The following BBS7 variants were observed in gnomAD, a reference collection of about 807,000 sequenced individuals.
BBS7 encodes the protein BBSome complex member BBS7.
Under a neutral mutation model 90.3 loss-of-function variants are expected in BBS7, and 50 were observed. The observed-to-expected ratio is 0.55, with a 90% CI of 0.44 to 0.70. BBS7 has a LOEUF of 0.70. BBS7 is among the 30% of genes least tolerant of loss of function. The pLI is 0.00. For synonymous variants in BBS7, 235 were observed against 287.4 expected, an observed-to-expected ratio of 0.82 and a Z score of 1.85; for missense variants, 729 against 838.9, an observed-to-expected ratio of 0.87 and a Z score of 1.62.
intron 2 of BBS7, among the ~76,000 whole-genome samples, chr4:121,864,078 T>C (rs546875977): frequency 1.3e-5 from 2 of 152,278 alleles, no homozygotes; most frequent in East Asian, 3.9e-4. Context: ...CTGCGCATGG[T>C]TGTATGCTCC....
intron 5 of BBS7, among the ~76,000 whole-genome samples, chr4:121,856,607 G>C (rs1726686397): frequency 6.6e-6 from 1 of 151,898 alleles, no homozygotes; most frequent in Admixed American, 6.6e-5. Flanking sequence ...AGCTACTCAG[G>C]AGGCTAAAGG....
intron 1 of BBS7, 131 bp downstream of exon 1, chr4:121,870,147 C>G (rs1727505814): frequency 1.8e-6 from 2 of 1,136,972 alleles, no homozygotes; most frequent in Non-Finnish European, 2.7e-6. Flanking sequence ...GCTGAGAGGT[C>G]GGCACCCAGC....
intron 9 of BBS7, among the ~76,000 whole-genome samples, chr4:121,847,864 T>C (rs1033190666): frequency 2.0e-5 from 3 of 152,084 alleles, no homozygotes; most frequent in Non-Finnish European, 4.4e-5. Context: ...ATTACTTTCA[T>C]GGAAATTTAA....
chr4:121,864,939 A>G (rs1377684867), intron 2 of BBS7, among the ~76,000 whole-genome samples: 1 of 152,106 alleles, frequency 6.6e-6, no homozygotes, highest in Non-Finnish European at 1.5e-5. Flanking sequence ...ATTTGAAACT[A>G]TATATTGTTA....
At chr4:121,853,463 T>G (rs746286361) in intron 7 of BBS7, among the ~76,000 whole-genome samples, 1 of 152,028 alleles carries the variant, frequency 6.6e-6, no homozygotes, top group Non-Finnish European at 1.5e-5. Context: ...CCCATCTCCA[T>G]AAATTATTCT....
chr4:121,845,573 T>G lies in BBS7; in HGVS notation c.1161A>C (p.Leu387=). 6.2e-7 allele frequency: 1 copy of G among 1,613,174 alleles called. No individual in the cohort carries two copies. The part of the protein sequence containing the change: ...PSFGINDKFT[L]NKDDASYSLI... ...GGCTGTAACTGGCATCATCTTTATTTAGTGTAAATTTATCATTTATACCAA... is the reference window on the plus strand; with the variant it reads ...GGCTGTAACTGGCATCATCTTTATTGAGTGTAAATTTATCATTTATACCAA... The change falls in exon 11 of 19, where the codon CTA becomes CTC. Residue 387 remains leucine (L), a synonymous_variant. Coordinates refer to ENST00000264499, the MANE Select transcript of BBS7 (RefSeq NM_176824.3).
chr4:121,845,505 T>A lies in BBS7; in HGVS notation c.1229A>T (p.Gln410Leu). 1 of 1,608,822 alleles carries A rather than the reference T, an allele frequency of 6.2e-7. No homozygotes were observed. Among genetic ancestry groups the A allele is most frequent in the Non-Finnish European group, 8.5e-7 (1 of 1,177,332 alleles). Residue 410 changes from glutamine (Q) to leucine (L), a missense_variant and splice_region_variant, in exon 11 of 19, where the codon CAG becomes CTG. Physicochemically the swap from Gln to Leu is moderately radical, Grantham distance 113 (BLOSUM62 -2). Transcript: ENST00000264499. The part of the protein sequence containing the change: ...VQTAIDNVLI[Q>L]SDVPIDLLDV... ...TAAGAAATTAGACATTTTGCTTACCTGTATTAAGACATTATCTATTGCAGT... is the reference window on the plus strand; with the variant it reads ...TAAGAAATTAGACATTTTGCTTACCAGTATTAAGACATTATCTATTGCAGT...
intron 5 of BBS7, among the ~76,000 whole-genome samples, chr4:121,858,133 C>T (rs1022320607): frequency 6.6e-6 from 1 of 152,102 alleles, no homozygotes; most frequent in Non-Finnish European, 1.5e-5. Context: ...ATTACTTTGT[C>T]CCTGGGGGGT....
In BBS7 at chr4:121,853,120, A is replaced by C. The variant is rs1177518024; in HGVS notation, c.719-34T>G. 4 of 1,601,086 alleles carry C rather than the reference A, an allele frequency of 2.5e-6. No individual in the cohort carries two copies. In the East Asian group the frequency reaches 6.7e-5, roughly 27 times the overall value. Reference sequence around the variant, plus strand: ...AGAGATATGTGATAAGTTATTAAGAAGACTAATAGTTATGGTCAAGTATAT... The same window carrying C: ...AGAGATATGTGATAAGTTATTAAGACGACTAATAGTTATGGTCAAGTATAT... On this transcript the variant is annotated intron_variant, in intron 7 of 18. Coordinates refer to ENST00000264499, the MANE Select transcript of BBS7 (RefSeq NM_176824.3).
At chr4:121,839,087 A>G (rs1725601844) in intron 13 of BBS7, among the ~76,000 whole-genome samples, 1 of 152,200 alleles carries the variant, frequency 6.6e-6, no homozygotes, top group African/African-American at 2.4e-5. Flanking sequence ...TGAAATTATG[A>G]ATATCTTGTA....
At chr4:121,828,378 G>A (rs771169397) in intron 17 of BBS7, 24 bp downstream of exon 17, 7 of 1,599,138 alleles carry the variant, frequency 4.4e-6, no homozygotes, top group African/African-American at 4.0e-5. Flanking sequence ...ATAATCACCA[G>A]TCCACGACGA....
chr4:121,854,651 A>T, intron 7 of BBS7, 53 bp downstream of exon 7: 1 of 1,540,720 alleles, frequency 6.5e-7, no homozygotes, highest in Admixed American at 1.7e-5. Context: ...ATATAATTTA[A>T]GATACTTAAT....
chr4:121,827,734 T>C (rs1467048688), intron 18 of BBS7: 4 of 900,212 alleles, frequency 4.4e-6, no homozygotes, highest in Non-Finnish European at 5.3e-6. Context: ...AAATACTGTA[T>C]ATCCTTTATT....
At chr4:121,865,744 C>T (rs931886139) in intron 2 of BBS7, among the ~76,000 whole-genome samples, 1 of 152,150 alleles carries the variant, frequency 6.6e-6, no homozygotes, top group African/African-American at 2.4e-5. Flanking sequence ...AGTGGGGTTG[C>T]TAAATCATAT....
chr4:121,870,148 G>T, intron 1 of BBS7, 130 bp downstream of exon 1: 2 of 1,150,230 alleles, frequency 1.7e-6, no homozygotes, highest in Non-Finnish European at 2.6e-6. Context: ...CTGAGAGGTC[G>T]GCACCCAGCC....
At chr4:121,847,603 C>T in intron 9 of BBS7, 97 bp from the exon 10 acceptor site, 1 of 840,052 alleles carries the variant, frequency 1.2e-6, no homozygotes, top group South Asian at 1.4e-5. Flanking sequence ...GTACATGCCC[C>T]TTTGTCCACC....
chr4:121,848,580 C>T (rs60049397), intron 9 of BBS7, among the ~76,000 whole-genome samples: 2,748 of 152,148 alleles, frequency 0.018, 73 homozygotes, highest in African/African-American at 0.061. Flanking sequence ...TTTTATTATT[C>T]GTTATTGTTA....
At position 121,839,617 on chromosome 4, in the gene BBS7, T is replaced by G. The variant is rs1725624096; in HGVS notation, c.1371+14A>C. ...TTCAAACATTCAAGTAAAGGTAATTTCTAATATTTTTACCTTGAGTTCCAG... is the reference window on the plus strand; with the variant it reads ...TTCAAACATTCAAGTAAAGGTAATTGCTAATATTTTTACCTTGAGTTCCAG... On this transcript the variant is annotated intron_variant, in intron 13 of 18. Coordinates refer to ENST00000264499, the MANE Select transcript of BBS7 (RefSeq NM_176824.3). 2.5e-6 allele frequency: 4 copies of G among 1,597,716 alleles called. No individual in the cohort carries two copies. The highest frequency in any genetic ancestry group is 2.7e-5 in the African/African-American group (2 of 74,608).
intron 15 of BBS7, among the ~76,000 whole-genome samples, chr4:121,831,144 G>A (rs962931053): frequency 6.6e-6 from 1 of 152,176 alleles, no homozygotes; most frequent in Non-Finnish European, 1.5e-5. Flanking sequence ...GGTGGCGGTT[G>A]CAGTGAGCCA....
Sources: gnomAD v4.1 joint callset for allele counts (sites outside exome capture counted in the v4.1 genomes callset) on GRCh38, gnomAD v4.1.1 for gene constraint, MANE v1.5 for transcripts, NCBI Gene and HGNC (gene_info 2026-07-23, HGNC 2026-07-21) for gene names.